JARID2: variants seen among roughly 807,000 people sequenced by gnomAD.
JARID2 encodes protein Jumonji.
In JARID2, 21 loss-of-function variants were observed where a neutral mutation model predicts 125.6. That is an observed-to-expected ratio of 0.17 (90% CI 0.12 to 0.24). The LOEUF (loss-of-function observed/expected upper bound fraction) is 0.24, where lower values mean the gene tolerates loss of function less well. Ranked by LOEUF, JARID2 falls within the 10% of genes least tolerant of loss-of-function variation. JARID2 has a pLI of 1.00. For missense variants in JARID2, 1,303 were observed against 1,639.6 expected (o/e 0.79, Z 3.55); for synonymous variants, 736 against 661.6 (o/e 1.11, Z -1.73).
At chr6:15,462,779 C>T (rs955337358) in intron 4 of JARID2, among the ~76,000 whole-genome samples, 5 of 152,056 alleles carry the variant, frequency 3.3e-5, no homozygotes, top group South Asian at 4.1e-4. Context: ...AAGAACTGAT[C>T]GAGGGAGGGA....
intron 7 of JARID2, among the ~76,000 whole-genome samples, chr6:15,497,949 C>T (rs947712812): frequency 6.6e-6 from 1 of 152,150 alleles, no homozygotes; most frequent in Non-Finnish European, 1.5e-5. Flanking sequence ...CTATGTGTGT[C>T]TGTGTCTTCA....
chr6:15,343,181 ATC>A (rs1394668910), intron 1 of JARID2, among the ~76,000 whole-genome samples: 1 of 148,354 alleles, frequency 6.7e-6, no homozygotes, highest in Admixed American at 6.8e-5. Context: ...GTGAGCCGAG[ATC>A]GTGCCATTGC....
At position 15,505,718 on chromosome 6, in the gene JARID2, C is replaced by T. The variant is rs146346028; in HGVS notation, c.2541+1126C>T. On this transcript the variant is annotated intron_variant, in intron 9 of 17. Transcript: ENST00000341776. ...CCCTGGGTGCGGCTGTTGAATGCCA[C>T]GCAGTGGCCTGACACCCGGCCTGTG... Among the ~76,000 whole-genome samples, 365 of 152,396 alleles carry T rather than the reference C, an allele frequency of 2.4e-3. 10 individuals are homozygous for T. Among genetic ancestry groups the T allele is most frequent in the Admixed American group, 0.019 (286 of 15,310 alleles).
chr6:15,443,800 C>G (rs1196032219), intron 3 of JARID2, among the ~76,000 whole-genome samples: 1 of 151,874 alleles, frequency 6.6e-6, no homozygotes, highest in East Asian at 1.9e-4. Flanking sequence ...AAAAAACCAC[C>G]TAAGAAAAAA....
chr6:15,267,603 C>T (rs546214990), intron 1 of JARID2, among the ~76,000 whole-genome samples: 21 of 152,252 alleles, frequency 1.4e-4, no homozygotes, highest in African/African-American at 4.6e-4. Flanking sequence ...TGTTTCAAGC[C>T]ATGGCATTAA....
intron 4 of JARID2, among the ~76,000 whole-genome samples, chr6:15,456,430 G>A (rs1768179420): frequency 6.6e-6 from 1 of 152,138 alleles, no homozygotes; most frequent in Non-Finnish European, 1.5e-5. Context: ...AAAATGCTCT[G>A]AACCTTTGGA....
intron 1 of JARID2, among the ~76,000 whole-genome samples, chr6:15,359,278 A>C (rs1182295868): frequency 6.6e-6 from 1 of 151,980 alleles, no homozygotes; most frequent in Admixed American, 6.5e-5. Flanking sequence ...CGTAGGGTTT[A>C]CTCCTTTGGA....
intron 1 of JARID2, among the ~76,000 whole-genome samples, chr6:15,303,259 T>C (rs2127414700): frequency 6.6e-6 from 1 of 152,374 alleles, no homozygotes; most frequent in Middle Eastern, 3.4e-3. Context: ...CACCTCGAAC[T>C]TGAACATTCA....
chr6:15,425,253 G>A (rs1022556469), intron 3 of JARID2, among the ~76,000 whole-genome samples: 1 of 152,156 alleles, frequency 6.6e-6, no homozygotes, highest in Admixed American at 6.5e-5. Flanking sequence ...ACCTTCAGAG[G>A]ATTGTGACCT....
intron 3 of JARID2, among the ~76,000 whole-genome samples, chr6:15,436,427 T>C (rs569286839): frequency 5.9e-5 from 9 of 152,340 alleles, no homozygotes; most frequent in Admixed American, 5.2e-4. Flanking sequence ...TCCGCTGATG[T>C]GTTCCTCAGG....
At chr6:15,413,563 A>C (rs1338332467) in intron 3 of JARID2, among the ~76,000 whole-genome samples, 1 of 152,224 alleles carries the variant, frequency 6.6e-6, no homozygotes, top group Admixed American at 6.5e-5. Context: ...GCAAGAGAGC[A>C]CAAGAAAGTG....
chr6:15,278,321 T>G (rs1013344233), intron 1 of JARID2, among the ~76,000 whole-genome samples: 1 of 152,038 alleles, frequency 6.6e-6, no homozygotes, highest in African/African-American at 2.4e-5. Context: ...GCACTGTACC[T>G]CATGCCTGTA....
At chr6:15,430,396 T>A (rs1459642651) in intron 3 of JARID2, among the ~76,000 whole-genome samples, 1 of 152,214 alleles carries the variant, frequency 6.6e-6, no homozygotes, top group Non-Finnish European at 1.5e-5. Context: ...AGGAAAACAT[T>A]TAAACAGAAA....
At chr6:15,370,394 C>T (rs1764122281) in intron 1 of JARID2, among the ~76,000 whole-genome samples, 3 of 145,428 alleles carry the variant, frequency 2.1e-5, no homozygotes, top group South Asian at 4.4e-4. Flanking sequence ...TGCAGTGGCA[C>T]GATCTCTGCA....
At chr6:15,367,592 A>G (rs1338499669) in intron 1 of JARID2, among the ~76,000 whole-genome samples, 2 of 152,218 alleles carry the variant, frequency 1.3e-5, no homozygotes, top group Non-Finnish European at 2.9e-5. Context: ...GATATCTGCC[A>G]TGGACTGACT....
intron 2 of JARID2, among the ~76,000 whole-genome samples, chr6:15,395,309 G>A (rs1184001708): frequency 6.6e-6 from 1 of 152,050 alleles, no homozygotes; most frequent in African/African-American, 2.4e-5. Flanking sequence ...GGGGGGTGGT[G>A]GGGGCACGGA....
At chr6:15,314,678 C>T (rs1306928421) in intron 1 of JARID2, among the ~76,000 whole-genome samples, 1 of 152,110 alleles carries the variant, frequency 6.6e-6, no homozygotes, top group East Asian at 1.9e-4. Flanking sequence ...GGAAACTTGC[C>T]TTGGAACAGT....
chr6:15,246,785 C>A (rs1400717331), intron 1 of JARID2, among the ~76,000 whole-genome samples: 1 of 152,046 alleles, frequency 6.6e-6, no homozygotes, highest in Non-Finnish European at 1.5e-5. Context: ...TGTAGAGATA[C>A]CTCAAGTGAA....
chr6:15,520,714 G>A lies in JARID2; in HGVS notation c.*463G>A. The A allele has an allele frequency of 6.6e-6, 3 of 454,572 alleles. No individual in the cohort carries two copies. The highest frequency in any genetic ancestry group is 4.6e-5 in the South Asian group (3 of 64,518). The allele number at this position is 454,572 out of a possible 1,614,324, so 28.2% of individuals were successfully genotyped here. ...GCACACACACACACACACGAAACTTGAAATGGCTTTGCTTTGGCTGTCGTC... is the reference window on the plus strand; with the variant it reads ...GCACACACACACACACACGAAACTTAAAATGGCTTTGCTTTGGCTGTCGTC... On this transcript the variant is annotated 3_prime_UTR_variant, in exon 18 of 18. Coordinates refer to ENST00000341776, the MANE Select transcript of JARID2 (RefSeq NM_004973.4).
Sources: gnomAD v4.1 joint callset for allele counts (sites outside exome capture counted in the v4.1 genomes callset) on GRCh38, gnomAD v4.1.1 for gene constraint, MANE v1.5 for transcripts, NCBI Gene and HGNC (gene_info 2026-07-23, HGNC 2026-07-21) for gene names.